POLRMT: variants seen among roughly 807,000 people sequenced by gnomAD.
The protein encoded by POLRMT is DNA-directed RNA polymerase, mitochondrial.
POLRMT carries 114 observed loss-of-function variants against 132.2 expected under a neutral mutation model. The observed-to-expected ratio is 0.86, with a 90% CI of 0.74 to 1.01. The LOEUF is 1.01. POLRMT is among the 50% of genes least tolerant of loss of function. The pLI is 0.00. For synonymous variants in POLRMT, 1,020 were observed against 773.4 expected, an observed-to-expected ratio of 1.32 and a Z score of -5.29; for missense variants, 2,003 against 1,729.1, an observed-to-expected ratio of 1.16 and a Z score of -2.81.
At position 622,419 on chromosome 19, in the gene POLRMT, C is replaced by G. The variant is rs766936128; in HGVS notation, c.1627-46G>C. 18 of 1,500,694 alleles carry G rather than the reference C, an allele frequency of 1.2e-5. 1 individual carries two copies. In the South Asian group the frequency reaches 1.9e-4, roughly 16 times the overall value. The allele number at this position is 1,500,694 out of a possible 1,614,324, so 93.0% of individuals were successfully genotyped here. A position where few individuals can be genotyped will look rare whatever the true frequency, so the allele number is the denominator to read the frequency against. On this transcript the variant is annotated intron_variant, in intron 8 of 20. Transcript: ENST00000588649. ...GGCGCTGGGCACCGGGGCCCCTGAG[C>G]TAGATGCCCCACCGCCCGTGCCTGA...
At chr19:626,197 C>T (rs1437696396) in intron 3 of POLRMT, among the ~76,000 whole-genome samples, 1 of 152,018 alleles carries the variant, frequency 6.6e-6, no homozygotes, top group Non-Finnish European at 1.5e-5. Context: ...GTCGCCCAGG[C>T]TGGAGTGCAG....
chr19:627,854 G>A (rs1477404045), intron 3 of POLRMT, among the ~76,000 whole-genome samples: 1 of 151,138 alleles, frequency 6.6e-6, no homozygotes, highest in Non-Finnish European at 1.5e-5. Flanking sequence ...GAACCCAGGA[G>A]GCGGAGGCTG....
Position 620,089 on chromosome 19 carries a change from G to T in POLRMT, c.2764-9C>A. 1 of 1,538,080 alleles carries T rather than the reference G, an allele frequency of 6.5e-7. No homozygotes were observed. The highest frequency in any genetic ancestry group is 8.7e-7 in the Non-Finnish European group (1 of 1,146,656). On this transcript the variant is annotated splice_polypyrimidine_tract_variant and intron_variant, in intron 11 of 20. Coordinates refer to ENST00000588649, the MANE Select transcript of POLRMT (RefSeq NM_005035.4). ...CCGTTGCAAGAGCCGTCCTGAGGAAGGGGCGGCAAACGGGAGATGGAAGCT... is the reference window on the plus strand; with the variant it reads ...CCGTTGCAAGAGCCGTCCTGAGGAATGGGCGGCAAACGGGAGATGGAAGCT...
intron 1 of POLRMT, 49 bp from the exon 2 acceptor site, chr19:632,987 G>A: frequency 7.4e-7 from 1 of 1,358,288 alleles, no homozygotes; most frequent in Non-Finnish European, 9.7e-7. Flanking sequence ...TGTGGGCGGG[G>A]GCCTCCATAA....
intron 1 of POLRMT, 169 bp from the exon 2 acceptor site, chr19:633,107 C>G (rs1985549128): frequency 1.6e-6 from 1 of 627,176 alleles, no homozygotes; most frequent in Non-Finnish European, 2.6e-6. Flanking sequence ...GGAAGGGCCC[C>G]GCCGCGGCGA....
Position 621,024 on chromosome 19 carries a change from G to A in POLRMT, c.2640+34C>T, listed in dbSNP as rs564867324. ...CGCCGGGGGAGGGCGCGGGGGTGCC[G>A]GGAGGGCGGGGAATGCGGGGGCCCC... On this transcript the variant is annotated intron_variant, in intron 10 of 20. Coordinates refer to ENST00000588649, the MANE Select transcript of POLRMT (RefSeq NM_005035.4). 7.2e-6 allele frequency: 11 copies of A among 1,530,146 alleles called. No homozygotes were observed. The Admixed American group carries it at 2.0e-4, about 28-fold the overall frequency. 94.8% of individuals were successfully genotyped at this position (1,530,146 alleles called of 1,614,324 possible).
At position 629,527 on chromosome 19, in the gene POLRMT, C is replaced by T. The variant is rs535207306; in HGVS notation, c.822+13G>A. On this transcript the variant is annotated intron_variant, in intron 3 of 20. Transcript: ENST00000588649. ...CGACCAGGGCAGGTGGCCCGGCTCC[C>T]GGCTGCACTCACCTGCCGCGCCCAG... is the stretch of plus-strand genomic sequence containing the variant. The T allele has an allele frequency of 4.0e-5, 60 of 1,509,800 alleles. 1 individual carries two copies. The highest frequency in any genetic ancestry group is 7.0e-5 in the East Asian group (3 of 42,642). 93.5% of individuals were successfully genotyped at this position (1,509,800 alleles called of 1,614,324 possible). A position where few individuals can be genotyped will look rare whatever the true frequency, so the allele number is the denominator to read the frequency against.
rs1466489019 is a variant in POLRMT at position 632,056 on chromosome 19, A to T, written c.193+778T>A. Among the ~76,000 whole-genome samples the T allele has an allele frequency of 2.0e-5, 3 of 149,276 alleles. No homozygotes were observed. The East Asian group carries it at 5.8e-4, about 29-fold the overall frequency. ...CCAAAGTGCTGGGATTACAGGCGTG[A>T]GCCACCGCACCAGGCCTCGGACCCT... On this transcript the variant is annotated intron_variant, in intron 2 of 20. Transcript: ENST00000588649.
rs1158447391 is a variant in POLRMT at position 630,025 on chromosome 19, C to T, written c.337G>A (p.Asp113Asn). 6.2e-7 allele frequency: 1 copy of T among 1,613,782 alleles called. No individual in the cohort carries two copies. Among genetic ancestry groups the T allele is most frequent in the African/African-American group, 1.3e-5 (1 of 74,946 alleles). ...CGGCCACAGGGCACCGGGGTGGCAT[C>T]CTTGGCCCCCATCTGGACCTTCCTG... ...PPRKVQMGAK[D>N]ATPVPCGRWA... is the part of the protein sequence containing the mutation. Residue 113 changes from aspartate to asparagine, a missense_variant, in exon 3 of 21, where the codon GAT (aspartate) becomes AAT (asparagine). Coordinates refer to ENST00000588649, the MANE Select transcript of POLRMT (RefSeq NM_005035.4).
rs1985320531 is a variant in POLRMT at position 630,256 on chromosome 19, T to C, written c.194-88A>G. On this transcript the variant is annotated intron_variant, in intron 2 of 20. Transcript: ENST00000588649. ...CTGGACCCTGAGCCAGGCCAGGAGG[T>C]GCAGGTGGCTGAGCTCGCTGGGACC... The C allele has an allele frequency of 2.7e-6, 4 of 1,456,616 alleles. No individual in the cohort carries two copies. The African/African-American group carries it at 5.7e-5, about 21-fold the overall frequency. The allele number at this position is 1,456,616 out of a possible 1,614,324, so 90.2% of individuals were successfully genotyped here.
rs886918402 is a variant in POLRMT, at chr19:620,389, A to G, written c.2739T>C (p.Tyr913=). ...CCTGATGGACGGGGAGGTGGGAGAC[A>G]TAGGCGGCAGGGTCGGAGGCGCGCA... ...NAVRASDPAA[Y]VSHLPVHQDG... Residue 913 remains tyrosine, a synonymous_variant, in exon 11 of 21, where the codon TAT becomes TAC. Coordinates refer to ENST00000588649, the MANE Select transcript of POLRMT (RefSeq NM_005035.4). The G allele has an allele frequency of 1.3e-6, 2 of 1,581,738 alleles. No individual in the cohort carries two copies. The highest frequency in any genetic ancestry group is 1.8e-5 in the Admixed American group (1 of 55,776).
At position 617,303 on chromosome 19, in the gene POLRMT, C is replaced by G; in HGVS notation, c.3664G>C (p.Val1222Leu). 6.2e-7 allele frequency: 1 copy of G among 1,612,920 alleles called. No homozygotes were observed. The highest frequency in any genetic ancestry group is 8.5e-7 in the Non-Finnish European group (1 of 1,179,892). ...PKPGAFDLEQ[V>L]KRSTYFFS Reference sequence around the variant, plus strand: ...CTGAAGAAGTAGGTGGAACGCTTCACCTGCTCCAGGTCGAAGGCCCCTGCG... The same window carrying G: ...CTGAAGAAGTAGGTGGAACGCTTCAGCTGCTCCAGGTCGAAGGCCCCTGCG... Residue 1222 changes from valine to leucine, a missense_variant, in exon 21 of 21, where the codon GTG becomes CTG. Val to Leu is a conservative substitution (Grantham distance 32, BLOSUM62 1). Coordinates refer to ENST00000588649, the MANE Select transcript of POLRMT (RefSeq NM_005035.4).
chr19:623,537 G>C lies in POLRMT; in HGVS notation c.1207C>G (p.Gln403Glu). 6.2e-7 allele frequency: 1 copy of C among 1,613,674 alleles called. No homozygotes were observed. Among genetic ancestry groups the C allele is most frequent in the South Asian group, 1.1e-5 (1 of 91,082 alleles). ...LKTLQCLFEKQLHMELASRVC... is the reference protein window; with the variant it reads ...LKTLQCLFEKELHMELASRVC... ...CTGCTGGCCAGCTCCATGTGGAGCT[G>C]CTTCTCAAAGAGGCACTGCAGGGTC... The change falls in exon 6 of 21, where the codon CAG (glutamine) becomes GAG (glutamate). Residue 403 changes from glutamine (Q) to glutamate (E), a missense_variant. Gln to Glu is a conservative substitution (Grantham distance 29, BLOSUM62 2). Transcript: ENST00000588649.
In POLRMT at chr19:622,134, G is replaced by A. The variant is rs893250005; in HGVS notation, c.1851+15C>T. 11 of 1,532,072 alleles carry A rather than the reference G, an allele frequency of 7.2e-6. No individual in the cohort carries two copies. The highest frequency in any genetic ancestry group is 1.4e-5 in the African/African-American group (1 of 73,004). 94.9% of individuals were successfully genotyped at this position (1,532,072 alleles called of 1,614,324 possible). A position where few individuals can be genotyped will look rare whatever the true frequency, so the allele number is the denominator to read the frequency against. On this transcript the variant is annotated intron_variant, in intron 9 of 20. Transcript: ENST00000588649. ...AGCGGGATGCCCCCCAGCTCAGGAG[G>A]GCACTGCCTGGCACCTGCTGGACGT...
chr19:618,836 G>A (rs1984241952), intron 15 of POLRMT, 76 bp from the exon 16 acceptor site: 6 of 1,491,108 alleles, frequency 4.0e-6, no homozygotes, highest in Admixed American at 2.0e-5. Flanking sequence ...GTGGTACACT[G>A]GGGTAGTGGC....
At chr19:625,847 C>G (rs758413917) in intron 3 of POLRMT, among the ~76,000 whole-genome samples, 2 of 151,950 alleles carry the variant, frequency 1.3e-5, no homozygotes, top group African/African-American at 4.8e-5. Flanking sequence ...GGATTACAGG[C>G]ACACGCCACC....
intron 3 of POLRMT, among the ~76,000 whole-genome samples, chr19:626,815 T>A (rs1005713604): frequency 6.6e-6 from 1 of 151,182 alleles, no homozygotes; most frequent in African/African-American, 2.4e-5. Context: ...AGCCGGGATC[T>A]CACCACTGCA....
At chr19:632,545 G>GGGGGGGT in intron 2 of POLRMT, among the ~76,000 whole-genome samples, 1 of 151,248 alleles carries the variant, frequency 6.6e-6, no homozygotes, top group South Asian at 2.1e-4. Flanking sequence ...CCGGGGGGGG[G>GGGGGGGT]GTCTCTCCAG....
In POLRMT at chr19:618,692, G is replaced by GC; in HGVS notation, c.3323+12dup. ...GACCCCCGGCCAGGCCCCAGCCCGG[G>GC]CCCCCCACTCACCGGCTGATGTCTC... On this transcript the variant is annotated intron_variant, in intron 16 of 20. Transcript: ENST00000588649. The GC allele has an allele frequency of 1.9e-6, 3 of 1,599,508 alleles. No individual in the cohort carries two copies. Among genetic ancestry groups the GC allele is most frequent in the Non-Finnish European group, 1.7e-6 (2 of 1,170,490 alleles).
Sources: gnomAD v4.1 joint callset for allele counts (sites outside exome capture counted in the v4.1 genomes callset) on GRCh38, gnomAD v4.1.1 for gene constraint, MANE v1.5 for transcripts, NCBI Gene and HGNC (gene_info 2026-07-23, HGNC 2026-07-21) for gene names.